The following PDE1A variants were observed in gnomAD, a reference collection of about 807,000 sequenced individuals.
PDE1A encodes phosphodiesterase 1A.
PDE1A carries 35 observed loss-of-function variants against 61.7 expected under a neutral mutation model. That is an observed-to-expected ratio of 0.57 (90% CI 0.43 to 0.75). PDE1A has a LOEUF of 0.75. Ranked by LOEUF, PDE1A falls within the 30% of genes least tolerant of loss-of-function variation. PDE1A has a pLI of 0.00. For missense variants in PDE1A, 597 were observed against 630.6 expected, an observed-to-expected ratio of 0.95 and a Z score of 0.57; for synonymous variants, 232 against 213.2, an observed-to-expected ratio of 1.09 and a Z score of -0.77.
rs74496609 is a variant in PDE1A, at chr2:182,477,314, C to T, written c.101+44962G>A. On this transcript the variant is annotated intron_variant, in intron 2 of 14. Transcript: ENST00000410103. ...TGGATTATAACTTTCATTAAGTCAA[C>T]TAGTATTTATTGATTATAATAGCTG... Among the ~76,000 whole-genome samples, 737 of 152,060 alleles carry T rather than the reference C, an allele frequency of 4.8e-3. 10 individuals carry two copies. The highest frequency in any genetic ancestry group is 0.017 in the African/African-American group (696 of 41,516).
At chr2:182,496,141 C>T (rs1198249377) in intron 2 of PDE1A, among the ~76,000 whole-genome samples, 9 of 152,082 alleles carry the variant, frequency 5.9e-5, no homozygotes, top group Non-Finnish European at 5.9e-5. Context: ...TCTTAAGTAA[C>T]CTAGTTTAAT....
At chr2:182,181,857 C>G (rs1229555741) in intron 13 of PDE1A, among the ~76,000 whole-genome samples, 8 of 152,274 alleles carry the variant, frequency 5.3e-5, no homozygotes, top group Middle Eastern at 3.4e-3. Context: ...ACCTCTCAGT[C>G]TCCTTCACAC....
intron 1 of PDE1A, among the ~76,000 whole-genome samples, chr2:182,357,724 T>C (rs1699276490): frequency 6.6e-6 from 1 of 152,234 alleles, no homozygotes; most frequent in African/African-American, 2.4e-5. Flanking sequence ...CTAAAAATGA[T>C]AAATTTTAAA....
At chr2:182,203,552 T>C (rs1351191592) in intron 8 of PDE1A, among the ~76,000 whole-genome samples, 3 of 152,318 alleles carry the variant, frequency 2.0e-5, no homozygotes, top group African/African-American at 7.2e-5. Context: ...AGAACATTTA[T>C]GTTTGCTAAG....
chr2:182,356,951 T>C (rs1699219367), intron 1 of PDE1A, among the ~76,000 whole-genome samples: 1 of 152,120 alleles, frequency 6.6e-6, no homozygotes, highest in Non-Finnish European at 1.5e-5. Flanking sequence ...AAACACAGCA[T>C]GTTCTCACTC....
At chr2:182,227,061 G>A (rs974637453) in intron 6 of PDE1A, among the ~76,000 whole-genome samples, 4 of 151,910 alleles carry the variant, frequency 2.6e-5, no homozygotes, top group Admixed American at 6.6e-5. Context: ...GGTCACATAC[G>A]TATCTAGCGG....
At chr2:182,641,838 G>A in the PDE1A span, among the ~76,000 whole-genome samples, 1 of 152,162 alleles carries the variant, frequency 6.6e-6, no homozygotes, top group Non-Finnish European at 1.5e-5. Context: ...CCAGGTACAT[G>A]AAACAATACA....
the PDE1A span, among the ~76,000 whole-genome samples, chr2:182,680,640 C>T: frequency 6.6e-6 from 1 of 152,094 alleles, no homozygotes; most frequent in Non-Finnish European, 1.5e-5. Flanking sequence ...GGAAATGGTA[C>T]AAGGAGGATT....
At chr2:182,502,990 G>A (rs1476866152) in intron 2 of PDE1A, among the ~76,000 whole-genome samples, 1 of 150,512 alleles carries the variant, frequency 6.6e-6, no homozygotes, top group African/African-American at 2.5e-5. Context: ...AGACCCAGTT[G>A]TTCAGGTTCT....
chr2:182,350,173 T>G (rs576368147), intron 1 of PDE1A, among the ~76,000 whole-genome samples: 3 of 152,336 alleles, frequency 2.0e-5, no homozygotes, highest in Non-Finnish European at 4.4e-5. Flanking sequence ...TTACACCGTG[T>G]GTACTCTTCT....
chr2:182,396,024 G>A (rs1474189808), intron 1 of PDE1A, among the ~76,000 whole-genome samples: 1 of 152,160 alleles, frequency 6.6e-6, no homozygotes, highest in African/African-American at 2.4e-5. Flanking sequence ...TGGTATATAC[G>A]CGATCAGGCT....
rs987149515 is a variant in PDE1A at position 182,418,007 on chromosome 2, C to T, written c.53+8571G>A. The stretch of plus-strand genomic sequence containing the variant: ...GTTTAGGAGGGTTCAAAATAGAAAA[C>T]GTTATCATAAATCTATCCCATAAAA... On this transcript the variant is annotated intron_variant, in intron 1 of 13. Coordinates refer to ENST00000351439, the Ensembl canonical transcript of PDE1A. Among the ~76,000 whole-genome samples the T allele has an allele frequency of 6.6e-5, 10 of 152,104 alleles. No homozygotes were observed. The South Asian group carries it at 1.7e-3, about 25-fold the overall frequency.
At chr2:182,596,768 A>G in the PDE1A span, among the ~76,000 whole-genome samples, 13 of 152,200 alleles carry the variant, frequency 8.5e-5, no homozygotes, top group Non-Finnish European at 1.6e-4. Flanking sequence ...GCAAGAATCA[A>G]CAGCTACAAT....
At chr2:182,657,061 A>T in the PDE1A span, among the ~76,000 whole-genome samples, 1 of 152,120 alleles carries the variant, frequency 6.6e-6, no homozygotes, top group African/African-American at 2.4e-5. Flanking sequence ...CCTCTCTACT[A>T]AAAATGCAAA....
At chr2:182,344,614 T>C (rs1574407966) in intron 1 of PDE1A, among the ~76,000 whole-genome samples, 1 of 152,290 alleles carries the variant, frequency 6.6e-6, no homozygotes, top group East Asian at 1.9e-4. Context: ...ACCAAAAGTG[T>C]ATTTCTATCT....
At chr2:182,482,555 G>A (rs942733090) in intron 2 of PDE1A, among the ~76,000 whole-genome samples, 1 of 151,924 alleles carries the variant, frequency 6.6e-6, no homozygotes, top group Non-Finnish European at 1.5e-5. Context: ...ACATTGTCAG[G>A]ACAATAATTC....
intron 1 of PDE1A, among the ~76,000 whole-genome samples, chr2:182,414,345 G>A (rs1702793248): frequency 6.6e-6 from 1 of 152,062 alleles, no homozygotes; most frequent in South Asian, 2.1e-4. Flanking sequence ...TCTTAAATGT[G>A]GAATTCCAGA....
chr2:182,543,146 C>A, the PDE1A span, among the ~76,000 whole-genome samples: 6,028 of 152,126 alleles, frequency 0.04, 385 homozygotes, highest in African/African-American at 0.14. Context: ...ATGCTTTATA[C>A]CTGCACTATA....
chr2:182,426,710 A>G lies in PDE1A; in HGVS notation c.-80T>C. On this transcript the variant is annotated 5_prime_UTR_variant, in exon 1 of 14. The change abolishes the stop of an existing upstream ORF in the 5' untranslated region. Transcript: ENST00000351439. ...GAAATGTGGAAGCTTATCCTGATCT[A>G]TTGTGCTGCAAGGAGCCCAGAAAGA... 1 of 1,604,348 alleles carries G rather than the reference A, an allele frequency of 6.2e-7. No individual in the cohort carries two copies. Among genetic ancestry groups the G allele is most frequent in the East Asian group, 2.2e-5 (1 of 44,742 alleles).
Sources: allele counts gnomAD v4.1 joint callset (sites outside exome capture counted in the v4.1 genomes callset), GRCh38; gene constraint gnomAD v4.1.1; transcripts MANE v1.5; gene names NCBI Gene and HGNC (gene_info 2026-07-23, HGNC 2026-07-21).